The following AGBL4 variants were observed in gnomAD, a reference collection of about 807,000 sequenced individuals.
AGBL4 encodes cytosolic carboxypeptidase 6.
Under a neutral mutation model 66.4 loss-of-function variants are expected in AGBL4, and 58 were observed. The observed-to-expected ratio is 0.87, with a 90% CI of 0.71 to 1.09. The LOEUF is 1.09. AGBL4 is among the 50% of genes least tolerant of loss of function. The pLI is 0.00. For synonymous variants in AGBL4, 234 were observed against 222.9 expected, an observed-to-expected ratio of 1.05 and a Z score of -0.44; for missense variants, 579 against 631.0, an observed-to-expected ratio of 0.92 and a Z score of 0.88.
intron 3 of AGBL4, among the ~76,000 whole-genome samples, chr1:49,302,419 AT>A (rs1192172380): frequency 1.3e-5 from 2 of 151,186 alleles, no homozygotes; most frequent in Non-Finnish European, 1.5e-5. Context: ...CACCCAGCTA[AT>A]TTTTTTGTAT....
At chr1:49,845,697 G>A in intron 2 of AGBL4, 1 of 1,599,650 alleles carries the variant, frequency 6.3e-7, no homozygotes, top group Non-Finnish European at 8.6e-7. Flanking sequence ...CCTTCAGCCA[G>A]AGCACATTCC....
In AGBL4 at chr1:48,902,435, G is replaced by T. The variant is rs72893769; in HGVS notation, c.595-35205C>A. Among the ~76,000 whole-genome samples the T allele has an allele frequency of 1.6e-3, 238 of 152,242 alleles. 4 individuals carry two copies. The highest frequency in any genetic ancestry group is 5.6e-3 in the African/African-American group (231 of 41,552). On this transcript the variant is annotated intron_variant, in intron 5 of 13. Coordinates refer to ENST00000371839, the MANE Select transcript of AGBL4 (RefSeq NM_032785.4). The stretch of plus-strand genomic sequence containing the variant: ...AGTCTGATGTTGATAATCTAGAAGA[G>T]AAGAAAAGCAGTGGAGATGCTGAGA...
intron 5 of AGBL4, among the ~76,000 whole-genome samples, chr1:48,957,560 C>T (rs1201799269): frequency 6.6e-6 from 1 of 152,158 alleles, no homozygotes; most frequent in Non-Finnish European, 1.5e-5. Flanking sequence ...ATTTGTACTC[C>T]TCTCACCAAC....
chr1:49,352,433 A>T (rs2148521975), intron 3 of AGBL4, among the ~76,000 whole-genome samples: 1 of 145,104 alleles, frequency 6.9e-6, no homozygotes, highest in East Asian at 2.0e-4. Flanking sequence ...AGAAGAGGAG[A>T]AAAACCTCGG....
intron 1 of AGBL4, among the ~76,000 whole-genome samples, chr1:49,909,384 T>C (rs1571850214): frequency 6.6e-6 from 1 of 152,164 alleles, no homozygotes; most frequent in South Asian, 2.1e-4. Context: ...TCAGAAAAGA[T>C]CTCCTTTGAG....
chr1:48,699,525 A>G (rs1221293740), intron 6 of AGBL4, among the ~76,000 whole-genome samples: 1 of 152,172 alleles, frequency 6.6e-6, no homozygotes, highest in Non-Finnish European at 1.5e-5. Flanking sequence ...GGCCATTGGA[A>G]TCCACTCTGT....
intron 3 of AGBL4, among the ~76,000 whole-genome samples, chr1:49,585,385 C>T (rs1245325529): frequency 2.0e-5 from 3 of 152,130 alleles, no homozygotes; most frequent in Non-Finnish European, 4.4e-5. Flanking sequence ...ATTGGAAAAG[C>T]CCGTGTGGCA....
chr1:48,593,755 A>G (rs1382175226), intron 9 of AGBL4, among the ~76,000 whole-genome samples: 1 of 152,136 alleles, frequency 6.6e-6, no homozygotes, highest in Non-Finnish European at 1.5e-5. Flanking sequence ...CGTCTCAAAA[A>G]AATAAATAAA....
intron 1 of AGBL4, among the ~76,000 whole-genome samples, chr1:49,885,753 C>A (rs1343593032): frequency 6.6e-6 from 1 of 152,010 alleles, no homozygotes; most frequent in Non-Finnish European, 1.5e-5. Context: ...CAAACAAATA[C>A]TATAGTCTCA....
chr1:48,865,366 C>T (rs763363208), intron 6 of AGBL4, among the ~76,000 whole-genome samples: 9 of 152,274 alleles, frequency 5.9e-5, no homozygotes, highest in South Asian at 4.1e-4. Flanking sequence ...GCTTCAGTTG[C>T]GCTAGGTCCT....
At chr1:49,070,402 T>C (rs1644577451) in intron 4 of AGBL4, among the ~76,000 whole-genome samples, 1 of 151,962 alleles carries the variant, frequency 6.6e-6, no homozygotes, top group Non-Finnish European at 1.5e-5. Flanking sequence ...TTGAGATGCA[T>C]TCCATCAATA....
At chr1:49,540,403 T>C (rs956720683) in intron 3 of AGBL4, among the ~76,000 whole-genome samples, 10 of 152,238 alleles carry the variant, frequency 6.6e-5, no homozygotes, top group African/African-American at 2.4e-4. Flanking sequence ...ACCCTTGATC[T>C]CTCCAAGCAG....
intron 2 of AGBL4, among the ~76,000 whole-genome samples, chr1:49,770,576 G>C (rs756097170): frequency 7.9e-5 from 12 of 152,152 alleles, no homozygotes; most frequent in Non-Finnish European, 1.6e-4. Flanking sequence ...TTCTGGAAAA[G>C]TTTGAGAATA....
chr1:49,870,915 T>C (rs1401955923), intron 1 of AGBL4, among the ~76,000 whole-genome samples: 1 of 152,094 alleles, frequency 6.6e-6, no homozygotes, highest in Non-Finnish European at 1.5e-5. Context: ...TATAAAATGG[T>C]TCAGCCAACA....
intron 4 of AGBL4, among the ~76,000 whole-genome samples, chr1:49,159,860 T>G (rs1227134514): frequency 6.6e-6 from 1 of 152,194 alleles, no homozygotes; most frequent in Non-Finnish European, 1.5e-5. Context: ...GATTTGGCTA[T>G]TGATACTTGT....
chr1:49,823,848 G>A (rs2147998663), intron 2 of AGBL4, among the ~76,000 whole-genome samples: 1 of 151,580 alleles, frequency 6.6e-6, no homozygotes, highest in Admixed American at 6.6e-5. Flanking sequence ...GTGTGGGAAT[G>A]TATACATTTT....
intron 3 of AGBL4, among the ~76,000 whole-genome samples, chr1:49,561,926 A>C (rs1053002749): frequency 1.8e-4 from 27 of 152,038 alleles, no homozygotes; most frequent in Non-Finnish European, 3.5e-4. Context: ...TCCCACCAAC[A>C]GTGTAAAAGT....
chr1:48,896,426 A>G (rs1651516262), intron 5 of AGBL4, among the ~76,000 whole-genome samples: 1 of 152,280 alleles, frequency 6.6e-6, no homozygotes, highest in African/African-American at 2.4e-5. Flanking sequence ...ACATCTACAA[A>G]GTGATCAGAA....
intron 3 of AGBL4, among the ~76,000 whole-genome samples, chr1:49,517,650 A>G (rs958374589): frequency 6.6e-6 from 1 of 151,994 alleles, no homozygotes; most frequent in Admixed American, 6.6e-5. Flanking sequence ...AGATAATAAA[A>G]CTGAGGCAAG....
Sources: allele counts gnomAD v4.1 joint callset (sites outside exome capture counted in the v4.1 genomes callset), GRCh38; gene constraint gnomAD v4.1.1; transcripts MANE v1.5; gene names NCBI Gene and HGNC (gene_info 2026-07-23, HGNC 2026-07-21).